Variants in SAXO1 observed in about 807,000 individuals in gnomAD.
The protein encoded by SAXO1 is stabilizer of axonemal microtubules 1.
In SAXO1, 21 loss-of-function variants were observed where a neutral mutation model predicts 17.5. The ratio of observed to expected loss-of-function variants is 1.20; its 90% CI spans 0.85 to 1.72. The LOEUF is 1.72. SAXO1 is among the 40% of genes most tolerant of loss of function. The pLI is 0.00. For synonymous variants in SAXO1, 274 were observed against 216.5 expected (o/e 1.27, Z -2.33); for missense variants, 843 against 596.0 (o/e 1.41, Z -4.32).
intron 1 of SAXO1, among the ~76,000 whole-genome samples, chr9:18,974,704 T>G (rs551049135): frequency 3.3e-5 from 5 of 152,294 alleles, no homozygotes; most frequent in Middle Eastern, 3.4e-3. Context: ...TACTGAGATA[T>G]ATATATACAT....
intron 3 of SAXO1, among the ~76,000 whole-genome samples, chr9:18,933,277 G>A (rs919866632): frequency 3.9e-5 from 6 of 152,074 alleles, no homozygotes; most frequent in East Asian, 3.9e-4. Context: ...TCAACCAAGT[G>A]GCTTTTTTCT....
chr9:18,940,238 G>A (rs1015935286), intron 3 of SAXO1, among the ~76,000 whole-genome samples: 2 of 152,346 alleles, frequency 1.3e-5, no homozygotes, highest in Admixed American at 6.5e-5. Flanking sequence ...ACAGGATGCC[G>A]ATGTGCACAA....
At chr9:19,011,061 G>A (rs1834712360) in intron 1 of SAXO1, among the ~76,000 whole-genome samples, 1 of 152,114 alleles carries the variant, frequency 6.6e-6, no homozygotes, top group South Asian at 2.1e-4. Context: ...ATCCTGCATT[G>A]CTTTCTAATT....
At chr9:18,942,309 C>A (rs908844976) in intron 2 of SAXO1, among the ~76,000 whole-genome samples, 1 of 152,150 alleles carries the variant, frequency 6.6e-6, no homozygotes, top group Non-Finnish European at 1.5e-5. Flanking sequence ...AATTTATAAG[C>A]CTTTCTGGAC....
In SAXO1 at chr9:18,928,432, T is replaced by C. The variant is rs754849347; in HGVS notation, c.1045A>G (p.Ser349Gly). Residue 349 changes from serine (S) to glycine (G), a missense_variant, in exon 4 of 4, where the codon AGC becomes GGC. Ser to Gly is a moderately conservative substitution (Grantham distance 56). Coordinates refer to ENST00000380534, the MANE Select transcript of SAXO1 (RefSeq NM_153707.4). ...GGCTTGACTGGCTCTGTGCGCATGCTGGACCACTGCTTGTAGTCATCCTTG... is the reference window on the plus strand; with the variant it reads ...GGCTTGACTGGCTCTGTGCGCATGCCGGACCACTGCTTGTAGTCATCCTTG... Reference protein sequence around the residue: ...TTKDDYKQWSSMRTEPVKPVP... With the variant: ...TTKDDYKQWSGMRTEPVKPVP... 2.5e-6 allele frequency: 4 copies of C among 1,608,772 alleles called. No homozygotes were observed. Among genetic ancestry groups the C allele is most frequent in the Non-Finnish European group, 3.4e-6 (4 of 1,176,928 alleles).
In SAXO1 at chr9:18,941,620, C is replaced by G. The variant is rs1321964999; in HGVS notation, c.421+17G>C. On this transcript the variant is annotated intron_variant, in intron 3 of 3. Coordinates refer to ENST00000380534, the MANE Select transcript of SAXO1 (RefSeq NM_153707.4). Reference sequence around the variant, plus strand: ...CAGCCTGTCTTTCCCCCAATCTGCCCCTCTGTGCTCTCCCACCTTTATAAG... The same window carrying G: ...CAGCCTGTCTTTCCCCCAATCTGCCGCTCTGTGCTCTCCCACCTTTATAAG... The G allele has an allele frequency of 6.2e-7, 1 of 1,613,858 alleles. No individual in the cohort carries two copies. Among genetic ancestry groups the G allele is most frequent in the African/African-American group, 1.3e-5 (1 of 74,928 alleles).
chr9:18,929,961 C>G (rs543076305), intron 3 of SAXO1, among the ~76,000 whole-genome samples: 1 of 152,188 alleles, frequency 6.6e-6, no homozygotes, highest in Non-Finnish European at 1.5e-5. Flanking sequence ...CACAATAACC[C>G]TTTGTGATGG....
At chr9:18,980,227 T>C (rs1588473269) in intron 1 of SAXO1, among the ~76,000 whole-genome samples, 1 of 152,294 alleles carries the variant, frequency 6.6e-6, no homozygotes, top group African/African-American at 2.4e-5. Context: ...AGCTCATTCA[T>C]AAAGCTCTGT....
intron 2 of SAXO1, among the ~76,000 whole-genome samples, chr9:18,947,309 G>A (rs1831840149): frequency 6.6e-6 from 1 of 152,090 alleles, no homozygotes; most frequent in Non-Finnish European, 1.5e-5. Context: ...TGACCTTTGG[G>A]GAGGATACTA....
At chr9:18,987,618 G>A (rs1283628114) in intron 1 of SAXO1, among the ~76,000 whole-genome samples, 1 of 152,136 alleles carries the variant, frequency 6.6e-6, no homozygotes, top group African/African-American at 2.4e-5. Context: ...TCTTCCTTGG[G>A]CCTGGTATGG....
At chr9:18,937,453 T>C (rs1831349985) in intron 3 of SAXO1, among the ~76,000 whole-genome samples, 1 of 152,194 alleles carries the variant, frequency 6.6e-6, no homozygotes, top group Admixed American at 6.5e-5. Flanking sequence ...CAAGGCACAG[T>C]TTGGGAAGCC....
intron 1 of SAXO1, among the ~76,000 whole-genome samples, chr9:18,970,760 G>A (rs562314043): frequency 1.3e-5 from 2 of 152,332 alleles, no homozygotes; most frequent in East Asian, 3.9e-4. Context: ...TGGGGTACAA[G>A]TATGCTTTTT....
chr9:18,980,965 C>T (rs914250392), intron 1 of SAXO1, among the ~76,000 whole-genome samples: 3 of 151,980 alleles, frequency 2.0e-5, no homozygotes, highest in Non-Finnish European at 4.4e-5. Context: ...CCTGGTAGAG[C>T]GTTACCTAAG....
chr9:18,973,077 C>T (rs1255301714), intron 1 of SAXO1, among the ~76,000 whole-genome samples: 1 of 152,220 alleles, frequency 6.6e-6, no homozygotes, highest in African/African-American at 2.4e-5. Context: ...GGAGTCAGAA[C>T]ACTGGAAAAT....
chr9:19,032,114 A>G (rs1469528025), intron 1 of SAXO1, among the ~76,000 whole-genome samples: 1 of 152,122 alleles, frequency 6.6e-6, no homozygotes, highest in Non-Finnish European at 1.5e-5. Context: ...AATTAATGAC[A>G]GCCCAGGAAA....
chr9:18,930,400 G>C (rs1014128306), intron 3 of SAXO1, among the ~76,000 whole-genome samples: 2 of 152,148 alleles, frequency 1.3e-5, no homozygotes, highest in African/African-American at 4.8e-5. Context: ...AACTGGCTTT[G>C]CCACACAGAC....
chr9:18,951,093 C>T (rs997285818), intron 1 of SAXO1, among the ~76,000 whole-genome samples, 156 bp from the exon 2 acceptor site: 2 of 152,174 alleles, frequency 1.3e-5, no homozygotes, highest in Admixed American at 6.5e-5. Flanking sequence ...CACTAAACTA[C>T]GTGAAGTGGC....
rs1588550106 is a variant in SAXO1, at chr9:19,023,087, CAA to C, written c.38+9782_38+9783del. On this transcript the variant is annotated intron_variant, in intron 1 of 3. Coordinates refer to ENST00000380534, the MANE Select transcript of SAXO1 (RefSeq NM_153707.4). The stretch of plus-strand genomic sequence containing the variant: ...GTATAAGGAGTAGATGAAGTCTTTG[CAA>C]ACCATTCTTATCATCAATATTTAAT... Among the ~76,000 whole-genome samples, 4 of 152,184 alleles carry C rather than the reference CAA, an allele frequency of 2.6e-5. 1 individual carries two copies. The highest frequency in any genetic ancestry group is 6.5e-5 in the Admixed American group (1 of 15,280).
chr9:18,975,817 C>A (rs771414881), intron 1 of SAXO1, among the ~76,000 whole-genome samples: 4 of 152,166 alleles, frequency 2.6e-5, no homozygotes, highest in Non-Finnish European at 4.4e-5. Flanking sequence ...CAAGGCCCAG[C>A]AGAAGCTGAA....
Sources: allele counts gnomAD v4.1 joint callset (sites outside exome capture counted in the v4.1 genomes callset), GRCh38; gene constraint gnomAD v4.1.1; transcripts MANE v1.5; gene names NCBI Gene and HGNC (gene_info 2026-07-23, HGNC 2026-07-21).